Variants in KLHL5 observed in about 807,000 individuals in gnomAD.
The protein encoded by KLHL5 is kelch like family member 5, also known as kelch-like protein 5.
KLHL5 carries 48 observed loss-of-function variants against 77.7 expected under a neutral mutation model. That is an observed-to-expected ratio of 0.62 (90% CI 0.49 to 0.79). The LOEUF is 0.79. Ranked by LOEUF, KLHL5 falls within the 30% of genes least tolerant of loss-of-function variation. The probability of loss-of-function intolerance (pLI) is 0.00; values close to 1 mark genes in which losing one functional copy is unlikely to be tolerated. For synonymous variants in KLHL5, 260 were observed against 297.0 expected (o/e 0.88, Z 1.28); for missense variants, 723 against 859.7 (o/e 0.84, Z 1.99).
rs182256144 is a variant in KLHL5 at position 39,064,931 on chromosome 4, G to A, written c.383+1896G>A. ...TCAAGAAGACTCATCAAAGTAAGAC[G>A]GGTGTGGACAGTTTACATCTTCAGT... On this transcript the variant is annotated intron_variant, in intron 1 of 10. Coordinates refer to ENST00000504108, the MANE Select transcript of KLHL5 (RefSeq NM_015990.5). 4.6e-5 allele frequency among the ~76,000 whole-genome samples: 7 copies of A among 152,066 alleles called. No homozygotes were observed. In the East Asian group the frequency reaches 5.8e-4, roughly 13 times the overall value.
intron 1 of KLHL5, among the ~76,000 whole-genome samples, chr4:39,049,614 A>G (rs868627054): frequency 6.6e-6 from 1 of 152,044 alleles, no homozygotes; most frequent in South Asian, 2.1e-4. Flanking sequence ...ATGATTGATC[A>G]TTTGTGCTTG....
downstream of KLHL5, among the ~76,000 whole-genome samples, chr4:39,129,454 C>T (rs529296252): frequency 1.2e-4 from 19 of 152,272 alleles, no homozygotes; most frequent in African/African-American, 3.4e-4. This position sits in a 1 kb window ranked among gnomAD's most constrained non-coding sequence, Gnocchi z 4.2. Context: ...GTGATCCGCC[C>T]GCCTTGGCCT....
intron 4 of KLHL5, among the ~76,000 whole-genome samples, chr4:39,083,171 T>C (rs544510227): frequency 7.9e-5 from 12 of 152,258 alleles, no homozygotes; most frequent in Admixed American, 4.6e-4. Flanking sequence ...ATTAGAGAAA[T>C]AGAGATTTGG....
At chr4:39,101,943 CACACATATATAT>C (rs1160128905) in intron 6 of KLHL5, among the ~76,000 whole-genome samples, 2 of 84,008 alleles carry the variant, frequency 2.4e-5, no homozygotes, top group Non-Finnish European at 4.9e-5. Context: ...CACATATATA[CACACATATATAT>C]ACACACACAT....
upstream of KLHL5, among the ~76,000 whole-genome samples, chr4:39,061,767 C>T (rs962630729): frequency 2.0e-5 from 3 of 152,222 alleles, no homozygotes; most frequent in Non-Finnish European, 4.4e-5. Context: ...CACTAACTGG[C>T]AGTGGCCCAT....
downstream of KLHL5, among the ~76,000 whole-genome samples, chr4:39,129,611 G>T (rs1723722732): frequency 6.6e-6 from 1 of 152,090 alleles, no homozygotes; most frequent in Non-Finnish European, 1.5e-5. This position sits in a 1 kb window ranked among gnomAD's most constrained non-coding sequence, Gnocchi z 4.2. Flanking sequence ...TCACTTCGGT[G>T]GTGAACACAG....
At chr4:39,128,249 T>G (rs1364769342), downstream of KLHL5, among the ~76,000 whole-genome samples, 1 of 152,178 alleles carries the variant, frequency 6.6e-6, no homozygotes, top group Non-Finnish European at 1.5e-5. Flanking sequence ...AAATATGAAG[T>G]AGATTTGATC....
chr4:39,057,336 T>C (rs1310037445), upstream of KLHL5, among the ~76,000 whole-genome samples: 1 of 152,216 alleles, frequency 6.6e-6, no homozygotes, highest in Admixed American at 6.5e-5. Flanking sequence ...AACAAAAGAT[T>C]TGTTGCATTT....
intron 1 of KLHL5, among the ~76,000 whole-genome samples, chr4:39,070,016 GCCATTA>G (rs1718324596): frequency 6.6e-6 from 1 of 152,114 alleles, no homozygotes; most frequent in African/African-American, 2.4e-5. Context: ...TAGCGGAAAG[GCCATTA>G]ACAGCTCCAA....
rs906009072 is a variant in KLHL5 at position 39,122,927 on chromosome 4, G to A, written c.*1861G>A. On this transcript the variant is annotated 3_prime_UTR_variant, in exon 11 of 11. Coordinates refer to ENST00000504108, the MANE Select transcript of KLHL5 (RefSeq NM_015990.5). ...AAAATTTACCAGTAACACCCAATCAGAAAATTTTGGTTCCTTAGTATTTAG... is the reference window on the plus strand; with the variant it reads ...AAAATTTACCAGTAACACCCAATCAAAAAATTTTGGTTCCTTAGTATTTAG... 1.3e-5 allele frequency among the ~76,000 whole-genome samples: 2 copies of A among 152,064 alleles called. No homozygotes were observed. Among genetic ancestry groups the A allele is most frequent in the African/African-American group, 4.8e-5 (2 of 41,420 alleles).
upstream of KLHL5, among the ~76,000 whole-genome samples, chr4:39,057,361 TA>T (rs1043022977): frequency 6.6e-6 from 1 of 152,222 alleles, no homozygotes; most frequent in African/African-American, 2.4e-5. Flanking sequence ...AAATACAGGA[TA>T]TTTTTTACAT....
chr4:39,087,859 A>G (rs1366120454), intron 5 of KLHL5, among the ~76,000 whole-genome samples: 2 of 152,220 alleles, frequency 1.3e-5, no homozygotes, highest in Admixed American at 6.5e-5. Context: ...TATCTTGAGC[A>G]TAATGTATTA....
At chr4:39,130,796 C>T (rs533028555), downstream of KLHL5, among the ~76,000 whole-genome samples, 5 of 152,118 alleles carry the variant, frequency 3.3e-5, no homozygotes, top group Admixed American at 3.3e-4. Context: ...CCCTCAAGCA[C>T]GTTTACAAGA....
At chr4:39,045,031 C>T (rs76308346), upstream of KLHL5, 1 of 994,060 alleles carries the variant, frequency 1.0e-6, no homozygotes, top group Non-Finnish European at 1.2e-6. Flanking sequence ...CCCCCGCCTC[C>T]CCCGCTCCTC....
At chr4:39,087,508 C>T (rs1039430722) in intron 5 of KLHL5, among the ~76,000 whole-genome samples, 1 of 152,168 alleles carries the variant, frequency 6.6e-6, no homozygotes, top group African/African-American at 2.4e-5. Context: ...GTAGAGATAA[C>T]ATCTTCCCTG....
chr4:39,053,853 G>T (rs113747587), intron 1 of KLHL5, among the ~76,000 whole-genome samples: 2 of 152,150 alleles, frequency 1.3e-5, no homozygotes, highest in African/African-American at 4.8e-5. Context: ...GGAATAAAAC[G>T]ATTCTTTTGA....
At position 39,112,078 on chromosome 4, in the gene KLHL5, AAAATATTTATGGAAAGCTTCCC is replaced by A. The variant is rs1379947936; in HGVS notation, c.1689-937_1689-916del. ...TTACTCTTTTAAAAAACTAGTAGAA[AAAATATTTATGGAAAGCTTCCC>A]AAATGAATAGTAAGTACAAGAAGAT... On this transcript the variant is annotated intron_variant, in intron 8 of 10. Coordinates refer to ENST00000504108, the MANE Select transcript of KLHL5 (RefSeq NM_015990.5). Among the ~76,000 whole-genome samples the A allele has an allele frequency of 4.6e-5, 7 of 152,138 alleles. No homozygotes were observed. In the East Asian group the frequency reaches 1.3e-3, roughly 29 times the overall value.
chr4:39,125,289 C>T lies in KLHL5; in HGVS notation c.*4223C>T, dbSNP rs1723470427. Among the ~76,000 whole-genome samples the T allele has an allele frequency of 6.6e-6, 1 of 151,596 alleles. No individual in the cohort carries two copies. Among genetic ancestry groups the T allele is most frequent in the East Asian group, 1.9e-4 (1 of 5,182 alleles). ...TGTGGAAAACAGTTTGGCAGTTCCTCAATAAGTTAAAAAAAAGAATTACCA... is the reference window on the plus strand; with the variant it reads ...TGTGGAAAACAGTTTGGCAGTTCCTTAATAAGTTAAAAAAAAGAATTACCA... On this transcript the variant is annotated 3_prime_UTR_variant, in exon 11 of 11. Coordinates refer to ENST00000504108, the MANE Select transcript of KLHL5 (RefSeq NM_015990.5).
intron 6 of KLHL5, among the ~76,000 whole-genome samples, chr4:39,098,883 G>T (rs1403432327): frequency 1.3e-5 from 2 of 151,278 alleles, no homozygotes; most frequent in African/African-American, 4.9e-5. Context: ...TCTTAAAACA[G>T]TTCAGGAAAA....
Sources: allele counts gnomAD v4.1 joint callset (sites outside exome capture counted in the v4.1 genomes callset), GRCh38; gene constraint gnomAD v4.1.1; non-coding constraint Gnocchi (gnomAD v3.1); transcripts MANE v1.5; gene names NCBI Gene and HGNC (gene_info 2026-07-23, HGNC 2026-07-21).